Variants in CFTR observed in about 807,000 individuals in gnomAD.
The protein encoded by CFTR is CF transmembrane conductance regulator, also known as cystic fibrosis transmembrane conductance regulator.
In CFTR, 181 loss-of-function variants were observed where a neutral mutation model predicts 171.6. That is an observed-to-expected ratio of 1.05 (90% CI 0.93 to 1.19). The LOEUF (loss-of-function observed/expected upper bound fraction) is 1.19. CFTR is among the 50% of genes most tolerant of loss of function. CFTR has a pLI of 0.00. For missense variants in CFTR, 1,968 were observed against 1,734.7 expected (o/e 1.13, Z -2.39); for synonymous variants, 583 against 608.0 (o/e 0.96, Z 0.60).
chr7:117,603,845 T>C (rs1388154530), intron 17 of CFTR, 63 bp downstream of exon 17: 5 of 1,592,550 alleles, frequency 3.1e-6, no homozygotes, highest in South Asian at 1.1e-5. Flanking sequence ...TGTGGTTTTG[T>C]TGGTTTTCTA....
rs1396443734 is a variant in CFTR at position 117,542,086 on chromosome 7, A to C, written c.1187A>C (p.Asn396Thr). ...ACGACTACAGAAGTAGTGATGGAGA[A>C]TGTAACAGCCTTCTGGGAGGAGGTC... ...NLTTTEVVME[N>T]VTAFWEEGFG... The change falls in exon 9 of 27, where the codon AAT becomes ACT. Residue 396 changes from asparagine (N) to threonine (T), a missense_variant. Transcript: ENST00000003084. 1.9e-6 allele frequency: 3 copies of C among 1,595,766 alleles called. No individual in the cohort carries two copies. Among genetic ancestry groups the C allele is most frequent in the Admixed American group, 3.3e-5 (2 of 59,990 alleles).
intron 2 of CFTR, among the ~76,000 whole-genome samples, chr7:117,508,611 T>G (rs1798460497): frequency 6.6e-6 from 1 of 152,232 alleles, no homozygotes; most frequent in African/African-American, 2.4e-5. Flanking sequence ...CAGTGAAATC[T>G]TATAAATCTG....
chr7:117,488,562 C>T (rs183786907), intron 1 of CFTR, among the ~76,000 whole-genome samples: 29 of 152,158 alleles, frequency 1.9e-4, no homozygotes, highest in Non-Finnish European at 4.0e-4. Flanking sequence ...AAGGCAAAGG[C>T]TCTATCTTAT....
intron 7 of CFTR, among the ~76,000 whole-genome samples, 162 bp downstream of exon 7, chr7:117,536,835 C>T (rs1007504815): frequency 2.6e-5 from 4 of 152,158 alleles, no homozygotes; most frequent in South Asian, 2.1e-4. Context: ...CACAAATTCA[C>T]TTTCATGGGC....
At chr7:117,538,911 G>A (rs1211463106) in intron 7 of CFTR, among the ~76,000 whole-genome samples, 1 of 152,132 alleles carries the variant, frequency 6.6e-6, no homozygotes, top group Non-Finnish European at 1.5e-5. Context: ...CTTCATCAAT[G>A]TGCTCAGATT....
intron 1 of CFTR, 44 bp downstream of exon 1, chr7:117,480,191 G>T: frequency 6.3e-7 from 1 of 1,583,900 alleles, no homozygotes; most frequent in Non-Finnish European, 8.7e-7. Context: ...ACGTGCCCAC[G>T]AAAGAGGAGG....
At chr7:117,532,934 G>T (rs1474433266) in intron 4 of CFTR, among the ~76,000 whole-genome samples, 1 of 152,066 alleles carries the variant, frequency 6.6e-6, no homozygotes, top group Non-Finnish European at 1.5e-5. Flanking sequence ...TTGTCCTCAT[G>T]GCCAGGATAT....
intron 3 of CFTR, among the ~76,000 whole-genome samples, chr7:117,530,149 G>C (rs1173218514): frequency 6.6e-6 from 1 of 152,118 alleles, no homozygotes; most frequent in East Asian, 1.9e-4. Context: ...CTCTCTCATT[G>C]ACTCACGGGC....
At chr7:117,579,753 A>G (rs1171960506) in intron 11 of CFTR, among the ~76,000 whole-genome samples, 1 of 151,590 alleles carries the variant, frequency 6.6e-6, no homozygotes, top group Non-Finnish European at 1.5e-5. Context: ...GGAACCAAAC[A>G]GAAAAGCCAG....
intron 1 of CFTR, among the ~76,000 whole-genome samples, chr7:117,498,816 GTT>G (rs772063224): frequency 5.8e-5 from 7 of 121,296 alleles, no homozygotes; most frequent in Non-Finnish European, 9.0e-5. Flanking sequence ...TTCAACATTT[GTT>G]TTTTTTTTTT....
Position 117,504,291 on chromosome 7 carries a change from G to T in CFTR, c.92G>T (p.Arg31Leu), listed in dbSNP as rs149353983. The change falls in exon 2 of 27, where the codon CGC becomes CTC. Residue 31 changes from arginine (R) to leucine (L), a missense_variant. Coordinates refer to ENST00000003084, the MANE Select transcript of CFTR (RefSeq NM_000492.4). Reference protein sequence around the residue: ...RPILRKGYRQRLELSDIYQIP... With the variant: ...RPILRKGYRQLLELSDIYQIP... ...ATTTTGAGGAAAGGATACAGACAGC[G>T]CCTGGAATTGTCAGACATATACCAA... 8.7e-5 allele frequency: 141 copies of T among 1,612,452 alleles called. No homozygotes were observed. The highest frequency in any genetic ancestry group is 1.1e-4 in the Non-Finnish European group (127 of 1,178,786).
In CFTR at chr7:117,540,190, A is replaced by T. The variant is rs56093012; in HGVS notation, c.960A>T (p.Leu320Phe). ...FFFSGFFVVF[L>F]SVLPYALIKG... ...TCTCAGGGTTCTTTGTGGTGTTTTT[A>T]TCTGTGCTTCCCTATGCACTAATCA... The change falls in exon 8 of 27, where the codon TTA becomes TTT. Residue 320 changes from leucine (L) to phenylalanine (F), a missense_variant. By Grantham distance (22) the Leu-to-Phe change is conservative (BLOSUM62 0). Transcript: ENST00000003084. 14 of 1,613,918 alleles carry T rather than the reference A, an allele frequency of 8.7e-6. No homozygotes were observed. The highest frequency in any genetic ancestry group is 1.1e-5 in the South Asian group (1 of 91,084).
intron 23 of CFTR, 93 bp downstream of exon 23, chr7:117,642,686 C>A: frequency 1.5e-6 from 2 of 1,337,054 alleles, no homozygotes; most frequent in South Asian, 1.2e-5. Context: ...TATTACTCTG[C>A]AAAATATATT....
At chr7:117,487,216 G>A (rs980502917) in intron 1 of CFTR, among the ~76,000 whole-genome samples, 6 of 152,090 alleles carry the variant, frequency 3.9e-5, no homozygotes, top group Admixed American at 1.3e-4. Flanking sequence ...CTTAGTCTTA[G>A]GTAAGAGATA....
intron 18 of CFTR, among the ~76,000 whole-genome samples, 161 bp from the exon 19 acceptor site, chr7:117,610,358 C>T (rs1486985091): frequency 1.4e-5 from 2 of 145,644 alleles, no homozygotes; most frequent in South Asian, 2.2e-4. Context: ...GCACAATGTG[C>T]ACATGTACCC....
chr7:117,543,693 G>GACT (rs1399077806), intron 9 of CFTR, among the ~76,000 whole-genome samples: 1 of 152,186 alleles, frequency 6.6e-6, no homozygotes, highest in East Asian at 1.9e-4. Flanking sequence ...TCATAGGCTA[G>GACT]AGCCCTTTCA....
Position 117,610,533 on chromosome 7 carries a change from G to A in CFTR, c.3003G>A (p.Val1001=), listed in dbSNP as rs1377312539. The A allele has an allele frequency of 6.2e-7, 1 of 1,612,846 alleles. No homozygotes were observed. The highest frequency in any genetic ancestry group is 8.5e-7 in the Non-Finnish European group (1 of 1,179,410). ...IFDFIQLLLI[V]IGAIAVVAVL... is the part of the protein sequence containing the mutation. ...TGATCTTACAGTTGTTATTAATTGT[G>A]ATTGGAGCTATAGCAGTTGTCGCAG... The change falls in exon 19 of 27, where the codon GTG becomes GTA. Residue 1001 remains valine, a synonymous_variant. Transcript: ENST00000003084.
At chr7:117,618,924 C>T (rs1453383387) in intron 21 of CFTR, among the ~76,000 whole-genome samples, 1 of 152,066 alleles carries the variant, frequency 6.6e-6, no homozygotes, top group Non-Finnish European at 1.5e-5. Flanking sequence ...AGGGGATTTC[C>T]AGTTATTTCA....
intron 15 of CFTR, among the ~76,000 whole-genome samples, chr7:117,602,333 G>A (rs147862948): frequency 1.3e-5 from 2 of 152,332 alleles, no homozygotes; most frequent in East Asian, 3.9e-4. Context: ...ACTGTGCCTG[G>A]CCTGAAACTC....
Sources: gnomAD v4.1 joint callset for allele counts (sites outside exome capture counted in the v4.1 genomes callset) on GRCh38, gnomAD v4.1.1 for gene constraint, MANE v1.5 for transcripts, NCBI Gene and HGNC (gene_info 2026-07-23, HGNC 2026-07-21) for gene names.